AP1S3: variants seen among roughly 807,000 people sequenced by gnomAD.
AP1S3 encodes the protein AP-1 complex subunit sigma-3.
Under a neutral mutation model 20.9 loss-of-function variants are expected in AP1S3, and 10 were observed. That is an observed-to-expected ratio of 0.48 (90% CI 0.29 to 0.81). The LOEUF (loss-of-function observed/expected upper bound fraction) is 0.81. AP1S3 is among the 30% of genes least tolerant of loss of function. The pLI is 0.08. For synonymous variants in AP1S3, 41 were observed against 61.5 expected (o/e 0.67, Z 1.56); for missense variants, 154 against 183.8 (o/e 0.84, Z 0.94).
intron 1 of AP1S3, among the ~76,000 whole-genome samples, chr2:223,798,878 C>A (rs1272440901): frequency 6.6e-6 from 1 of 152,150 alleles, no homozygotes; most frequent in East Asian, 1.9e-4. Flanking sequence ...TTGAGACCAG[C>A]CTGGCCAACG....
intron 4 of AP1S3, among the ~76,000 whole-genome samples, chr2:223,759,834 C>T (rs1690309637): frequency 6.6e-6 from 1 of 152,104 alleles, no homozygotes; most frequent in African/African-American, 2.4e-5. Flanking sequence ...GTGTTCTCAT[C>T]ATTTAGCTCC....
intron 1 of AP1S3, among the ~76,000 whole-genome samples, chr2:223,827,446 G>T (rs151045044): frequency 6.6e-6 from 1 of 152,048 alleles, no homozygotes; most frequent in African/African-American, 2.4e-5. Context: ...GCAGTGGCAC[G>T]ATCTCAGTTC....
At chr2:223,796,822 C>T (rs569986169) in intron 1 of AP1S3, among the ~76,000 whole-genome samples, 10 of 152,282 alleles carry the variant, frequency 6.6e-5, no homozygotes, top group African/African-American at 2.4e-4. Context: ...CGCCACTGCG[C>T]CCAGCTAATT....
At chr2:223,764,348 G>A (rs970993446) in intron 4 of AP1S3, among the ~76,000 whole-genome samples, 26 of 152,132 alleles carry the variant, frequency 1.7e-4, no homozygotes, top group Non-Finnish European at 4.4e-5. Flanking sequence ...GTCTGGGATG[G>A]AACCCAGCCC....
In AP1S3 at chr2:223,756,936, A is replaced by G. The variant is rs1690235655; in HGVS notation, c.*1779T>C. 1.0e-6 allele frequency: 1 copy of G among 985,332 alleles called. No homozygotes were observed. The highest frequency in any genetic ancestry group is 1.2e-6 in the Non-Finnish European group (1 of 829,960). The allele number at this position is 985,332 out of a possible 1,614,324, so 61.0% of individuals were successfully genotyped here. A position where few individuals can be genotyped will look rare whatever the true frequency, so the allele number is the denominator to read the frequency against. ...AAGCTAACATTGAAAATGCACAGGT[A>G]AAACATCAAATAGCAGGCAGCAAGA... On this transcript the variant is annotated 3_prime_UTR_variant, in exon 5 of 5. Transcript: ENST00000396654.
chr2:223,780,347 AGAGAGAGAGAGTGTGTGT>A (rs1559280846), intron 1 of AP1S3, among the ~76,000 whole-genome samples: 12 of 89,334 alleles, frequency 1.3e-4, no homozygotes, highest in African/African-American at 2.0e-4. Context: ...AGAGAGAGAG[AGAGAGAGAGAGTGTGTGT>A]GTGTGTGTGT....
chr2:223,781,527 G>A (rs1156689152), intron 1 of AP1S3, among the ~76,000 whole-genome samples: 1 of 151,932 alleles, frequency 6.6e-6, no homozygotes, highest in Non-Finnish European at 1.5e-5. Context: ...CTTGAGCCCA[G>A]GAGTTTGAGA....
chr2:223,809,463 G>A (rs967959595), intron 1 of AP1S3, among the ~76,000 whole-genome samples: 1 of 151,924 alleles, frequency 6.6e-6, no homozygotes, highest in Non-Finnish European at 1.5e-5. Context: ...TGACCAATAT[G>A]GTGAAACCCC....
chr2:223,831,911 T>C (rs575659619), intron 1 of AP1S3, among the ~76,000 whole-genome samples: 1 of 151,812 alleles, frequency 6.6e-6, no homozygotes, highest in South Asian at 2.1e-4. Flanking sequence ...CCCATCTCCA[T>C]TAAAAATACA....
At chr2:223,835,093 AGTCTTGGGGACTGCTGGGGGTACCCAG>A (rs1258701647) in intron 1 of AP1S3, among the ~76,000 whole-genome samples, 1 of 152,250 alleles carries the variant, frequency 6.6e-6, no homozygotes, top group Non-Finnish European at 1.5e-5. Context: ...CTCCAGTAAA[AGTCTTGGGGACTGCTGGGGGTACCCAG>A]GTCACACTTT....
At chr2:223,784,129 G>C (rs989765607) in intron 1 of AP1S3, among the ~76,000 whole-genome samples, 1 of 152,132 alleles carries the variant, frequency 6.6e-6, no homozygotes, top group Non-Finnish European at 1.5e-5. Context: ...AAAAATCAAA[G>C]AGGGCTTTGC....
chr2:223,830,478 C>CAAAAA (rs11359575), intron 1 of AP1S3, among the ~76,000 whole-genome samples: 1 of 116,198 alleles, frequency 8.6e-6, no homozygotes, highest in African/African-American at 3.2e-5. Context: ...GACTCTCTCT[C>CAAAAA]AAAAAAAAAA....
intron 1 of AP1S3, among the ~76,000 whole-genome samples, chr2:223,817,628 A>C (rs1266469735): frequency 6.6e-6 from 1 of 151,404 alleles, no homozygotes; most frequent in Admixed American, 6.6e-5. Context: ...AAAAAAAGAA[A>C]AGAAAACTAT....
intron 1 of AP1S3, among the ~76,000 whole-genome samples, chr2:223,836,407 T>G (rs1692394677): frequency 6.6e-6 from 1 of 152,116 alleles, no homozygotes; most frequent in Non-Finnish European, 1.5e-5. Flanking sequence ...CCCTATCCCC[T>G]GCCCTTACAC....
intron 1 of AP1S3, among the ~76,000 whole-genome samples, chr2:223,781,414 T>G (rs553419428): frequency 3.3e-5 from 5 of 152,118 alleles, no homozygotes; most frequent in African/African-American, 1.2e-4. Context: ...TTTTAGTATC[T>G]GTTTCACTAT....
At position 223,777,830 on chromosome 2, in the gene AP1S3, G is replaced by T; in HGVS notation, c.43C>A (p.Arg15=). ...AGAGTGATGTACCATTTCTGTAGCC[G>T]TAATTTCCCTTGTCGACTGAAGAGC... ...ILLFSRQGKL[R]LQKWYITLPD... is the part of the protein sequence containing the mutation. Residue 15 remains arginine, a synonymous_variant, in exon 2 of 5, where the codon CGG becomes AGG. Transcript: ENST00000396654. The T allele has an allele frequency of 6.2e-7, 1 of 1,613,810 alleles. No homozygotes were observed.
intron 1 of AP1S3, among the ~76,000 whole-genome samples, chr2:223,812,434 C>A (rs1691753772): frequency 6.6e-6 from 1 of 152,160 alleles, no homozygotes; most frequent in South Asian, 2.1e-4. Flanking sequence ...GTTAGCCAGG[C>A]TGGTCTTGAA....
At chr2:223,815,020 T>C (rs919841709) in intron 1 of AP1S3, among the ~76,000 whole-genome samples, 1 of 152,228 alleles carries the variant, frequency 6.6e-6, no homozygotes, top group Middle Eastern at 3.2e-3. Flanking sequence ...GCAATTTTCC[T>C]GCCTTGGCCT....
chr2:223,770,823 G>T (rs1464233175), intron 3 of AP1S3, among the ~76,000 whole-genome samples: 2 of 148,104 alleles, frequency 1.4e-5, no homozygotes, highest in Non-Finnish European at 3.0e-5. Context: ...TGCCTCCTGG[G>T]TTCAAACTAT....
Sources: gnomAD v4.1 joint callset for allele counts (sites outside exome capture counted in the v4.1 genomes callset) on GRCh38, gnomAD v4.1.1 for gene constraint, MANE v1.5 for transcripts, NCBI Gene and HGNC (gene_info 2026-07-23, HGNC 2026-07-21) for gene names.